Variants in TBRG4 observed in about 807,000 individuals in gnomAD.
TBRG4 encodes the protein FAST kinase domain-containing protein 4.
In TBRG4, 43 loss-of-function variants were observed where a neutral mutation model predicts 65.6. The ratio of observed to expected loss-of-function variants is 0.66; its 90% CI spans 0.51 to 0.85. The LOEUF (loss-of-function observed/expected upper bound fraction) is 0.85. Ranked by LOEUF, TBRG4 falls within the 40% of genes least tolerant of loss-of-function variation. TBRG4 has a pLI of 0.00. For missense variants in TBRG4, 709 were observed against 787.9 expected (o/e 0.90, Z 1.20); for synonymous variants, 366 against 341.4 (o/e 1.07, Z -0.79).
chr7:45,104,896 G>A (rs1350087574), intron 3 of TBRG4, 187 bp from the exon 4 acceptor site: 2 of 957,738 alleles, frequency 2.1e-6, no homozygotes, highest in African/African-American at 1.6e-5. Flanking sequence ...GGGAACCCCT[G>A]GACCTGGAGC....
At chr7:45,103,102 C>G (rs1784820167) in intron 6 of TBRG4, 2 of 570,580 alleles carry the variant, frequency 3.5e-6, no homozygotes, top group South Asian at 4.0e-5. Flanking sequence ...GCACCAGAGG[C>G]AGGACCCCCC....
At chr7:45,110,749 G>C (rs1290651261) in intron 1 of TBRG4, 1 of 152,146 alleles carries the variant, frequency 6.6e-6, no homozygotes, top group African/African-American at 2.4e-5. Flanking sequence ...GTTCACCTAG[G>C]CCTCATTTCT....
Position 45,101,279 on chromosome 7 carries a change from A to G in TBRG4, c.1773T>C (p.Ala591=), listed in dbSNP as rs1784756930. The G allele has an allele frequency of 6.2e-7, 1 of 1,613,712 alleles. No homozygotes were observed. Among genetic ancestry groups the G allele is most frequent in the East Asian group, 2.2e-5 (1 of 44,884 alleles). ...TCACGTCCACTATCAGGAAGCCTGC[A>G]GCCACTATGTGTCGCCGGGCCAGAA... ...RFVLARRHIV[A]AGFLIVDVPF... is the part of the protein sequence containing the mutation. Residue 591 remains alanine (A), a synonymous_variant, in exon 10 of 11, where the codon GCT becomes GCC. Transcript: ENST00000258770.
chr7:45,101,439 A>G, intron 9 of TBRG4, 64 bp downstream of exon 9: 1 of 1,603,828 alleles, frequency 6.2e-7, no homozygotes, highest in Admixed American at 1.7e-5. Flanking sequence ...AAAGATGGAA[A>G]GCAAAGAATA....
rs1225797286 is a variant in TBRG4 at position 45,101,565 on chromosome 7, G to A, written c.1617C>T (p.Asp539=). 1.2e-6 allele frequency: 2 copies of A among 1,613,896 alleles called. No individual in the cohort carries two copies. Residue 539 remains aspartate, a synonymous_variant, in exon 9 of 11, where the codon GAC becomes GAT. Transcript: ENST00000258770. The part of the protein sequence containing the change: ...DSDGEFLPVR[D]FVAPHLAQPT... ...GCTGGGCAAGGTGAGGTGCCACAAA[G>A]TCCCTTACGGGCAGAAACTCGCCGT... is the stretch of plus-strand genomic sequence containing the variant.
In TBRG4 at chr7:45,102,064, T is replaced by C; in HGVS notation, c.1328A>G (p.Lys443Arg). Residue 443 changes from lysine (K) to arginine (R), a missense_variant, in exon 8 of 11, where the codon AAG becomes AGG. Coordinates refer to ENST00000258770, the MANE Select transcript of TBRG4 (RefSeq NM_004749.4). ...GAAGGTGTTCTGATCCTTCTGAGACTTGCCCCCTAGGAGACAAGGAGAAAG... is the reference window on the plus strand; with the variant it reads ...GAAGGTGTTCTGATCCTTCTGAGACCTGCCCCCTAGGAGACAAGGAGAAAG... ...PEFHIQFLGGKSQKDQNTFQK... is the reference protein window; with the variant it reads ...PEFHIQFLGGRSQKDQNTFQK... The C allele has an allele frequency of 6.4e-7, 1 of 1,569,610 alleles. No individual in the cohort carries two copies. The highest frequency in any genetic ancestry group is 1.2e-5 in the South Asian group (1 of 84,370).
At chr7:45,104,798 G>T (rs1784885230) in intron 3 of TBRG4, 89 bp from the exon 4 acceptor site, 11 of 1,559,666 alleles carry the variant, frequency 7.1e-6, no homozygotes, top group Non-Finnish European at 9.6e-6. Flanking sequence ...CCCATCCAGT[G>T]CAGCCCCTGT....
rs1486907784 is a variant in TBRG4, at chr7:45,103,149, A to G, written c.1176+184T>C. 1.1e-5 allele frequency: 7 copies of G among 613,110 alleles called. 1 individual carries two copies. The highest frequency in any genetic ancestry group is 1.1e-4 in the East Asian group (4 of 35,918). 38.0% of individuals were successfully genotyped at this position (613,110 alleles called of 1,614,324 possible). ...GCAGGGCAGTCAACCAGACAGCAGG[A>G]TTTCATGTGTTCTCAGTAATCCCTA... is the stretch of plus-strand genomic sequence containing the variant. On this transcript the variant is annotated intron_variant, in intron 6 of 10. Coordinates refer to ENST00000258770, the MANE Select transcript of TBRG4 (RefSeq NM_004749.4).
chr7:45,102,971 T>C, intron 6 of TBRG4: 1 of 348,716 alleles, frequency 2.9e-6, no homozygotes, highest in Non-Finnish European at 5.5e-6. Context: ...ACACCTGGCC[T>C]GCTGGCCTCT....
At chr7:45,108,781 C>A in intron 2 of TBRG4, 46 bp downstream of exon 2, 2 of 1,464,216 alleles carry the variant, frequency 1.4e-6, no homozygotes, top group East Asian at 2.4e-5. Flanking sequence ...GCATTTCTGG[C>A]TGTTTTCCTC....
chr7:45,105,753 G>A lies in TBRG4; in HGVS notation c.423C>T (p.Val141=). The change falls in exon 3 of 11, where the codon GTC becomes GTT. Residue 141 remains valine, a synonymous_variant. Coordinates refer to ENST00000258770, the MANE Select transcript of TBRG4 (RefSeq NM_004749.4). The part of the protein sequence containing the change: ...LCLLNSQIAS[V]WHGTLSKLLG... ...GCAGCTTCGAGAGGGTACCATGCCAGACCGAGGCAATCTAGGCAGAGAAAG... is the reference window on the plus strand; with the variant it reads ...GCAGCTTCGAGAGGGTACCATGCCAAACCGAGGCAATCTAGGCAGAGAAAG... 1.2e-6 allele frequency: 2 copies of A among 1,607,192 alleles called. No individual in the cohort carries two copies. The highest frequency in any genetic ancestry group is 1.7e-6 in the Non-Finnish European group (2 of 1,175,454).
chr7:45,111,525 A>T, intron 1 of TBRG4, 118 bp downstream of exon 1: 5 of 1,182,208 alleles, frequency 4.2e-6, no homozygotes, highest in Non-Finnish European at 5.6e-6. Context: ...ACGGCATCCC[A>T]CCGCGTCCCA....
At chr7:45,109,373 C>G in intron 1 of TBRG4, 86 bp from the exon 2 acceptor site, 1 of 1,118,160 alleles carries the variant, frequency 8.9e-7, no homozygotes, top group Non-Finnish European at 1.2e-6. Context: ...CAAAGCCACT[C>G]TATCTGTAAA....
At position 45,109,237 on chromosome 7, in the gene TBRG4, TG is replaced by T. The variant is rs36007488; in HGVS notation, c.-1del. ...CATCGCTTTACCAGGTGAGCTGCCA[TG>T]ATGTCCTGGGTGGCAGAGAGACAAG... On this transcript the variant is annotated 5_prime_UTR_variant, in exon 2 of 11. Transcript: ENST00000258770. The T allele has an allele frequency of 9.1e-3, 14,425 of 1,586,450 alleles. 86 individuals are homozygous for T. Among genetic ancestry groups the T allele is most frequent in the Non-Finnish European group, 0.011 (12,515 of 1,166,562 alleles).
In TBRG4 at chr7:45,101,138, G is replaced by T. The variant is rs577770328; in HGVS notation, c.1794+120C>A. 1.3e-3 allele frequency: 1,244 copies of T among 927,422 alleles called. 26 individuals are homozygous for T. The South Asian group carries it at 0.022, about 16-fold the overall frequency. The allele number at this position is 927,422 out of a possible 1,614,324, so 57.4% of individuals were successfully genotyped here. A position where few individuals can be genotyped will look rare whatever the true frequency, so the allele number is the denominator to read the frequency against. ...CTCCCTCCCTGGGCTCCTGGGAGAG[G>T]CCCGGGGCCACGGGCAGGGCATGTG... On this transcript the variant is annotated intron_variant, in intron 10 of 10. Coordinates refer to ENST00000258770, the MANE Select transcript of TBRG4 (RefSeq NM_004749.4).
intron 3 of TBRG4, 69 bp downstream of exon 3, chr7:45,105,372 G>A (rs1264078162): frequency 1.3e-6 from 2 of 1,504,118 alleles, no homozygotes; most frequent in African/African-American, 2.8e-5. Flanking sequence ...GCAGACAACT[G>A]TCACCCAAAG....
chr7:45,108,146 C>A (rs915653664), intron 2 of TBRG4, among the ~76,000 whole-genome samples: 8 of 152,246 alleles, frequency 5.3e-5, no homozygotes, highest in Admixed American at 3.9e-4. Context: ...CACCTGACAA[C>A]TGGAAACATG....
At chr7:45,106,601 C>T (rs1784964632) in intron 2 of TBRG4, 1 of 152,608 alleles carries the variant, frequency 6.6e-6, no homozygotes. Context: ...CGTGGTGAAA[C>T]CCTGTGCCTA....
At chr7:45,103,122 T>C in intron 6 of TBRG4, 1 of 590,650 alleles carries the variant, frequency 1.7e-6, no homozygotes, top group Non-Finnish European at 3.0e-6. Flanking sequence ...CAGCGCTGCC[T>C]GGCAGGGCAG....
Sources: gnomAD v4.1 joint callset for allele counts (sites outside exome capture counted in the v4.1 genomes callset) on GRCh38, gnomAD v4.1.1 for gene constraint, MANE v1.5 for transcripts, NCBI Gene and HGNC (gene_info 2026-07-23, HGNC 2026-07-21) for gene names.